The following MSI2 variants were observed in gnomAD, a reference collection of about 807,000 sequenced individuals.
MSI2 encodes the protein RNA-binding protein Musashi homolog 2.
A neutral mutation model predicts 45.6 loss-of-function variants in MSI2; 17 were observed. The observed-to-expected ratio is 0.37, with a 90% CI of 0.26 to 0.56. MSI2 has a LOEUF of 0.56. Among genes scored for constraint, MSI2 ranks in the 20% least tolerant of loss-of-function variants. The pLI, the probability that MSI2 is intolerant of heterozygous loss-of-function variation, is 0.77. For missense variants in MSI2, 293 were observed against 444.2 expected (o/e 0.66, Z 3.06); for synonymous variants, 156 against 158.2 (o/e 0.99, Z 0.11).
intron 5 of MSI2, among the ~76,000 whole-genome samples, chr17:57,340,343 G>T (rs1598143682): frequency 2.0e-5 from 3 of 149,868 alleles, no homozygotes; most frequent in Middle Eastern, 3.4e-3. Flanking sequence ...ACAGCCAAAG[G>T]TTCATTTCCC....
intron 6 of MSI2, among the ~76,000 whole-genome samples, chr17:57,429,323 A>G (rs1262035736): frequency 1.3e-5 from 2 of 152,122 alleles, no homozygotes; most frequent in Non-Finnish European, 2.9e-5. Context: ...GTCTAAAAAG[A>G]TTATCTTCAG....
intron 7 of MSI2, among the ~76,000 whole-genome samples, chr17:57,563,271 C>T (rs764164426): frequency 2.0e-5 from 3 of 152,072 alleles, no homozygotes; most frequent in Non-Finnish European, 4.4e-5. Flanking sequence ...TCCACGTGGA[C>T]CATTTTTCAT....
At chr17:57,672,075 C>T (rs1247083572) in intron 11 of MSI2, among the ~76,000 whole-genome samples, 4 of 152,322 alleles carry the variant, frequency 2.6e-5, no homozygotes, top group Non-Finnish European at 4.4e-5. Flanking sequence ...CTGCTGGCTG[C>T]GCCCTCTAGT....
At chr17:57,433,309 T>A (rs533543574) in intron 6 of MSI2, among the ~76,000 whole-genome samples, 1 of 152,280 alleles carries the variant, frequency 6.6e-6, no homozygotes, top group South Asian at 2.1e-4. Flanking sequence ...GGTAACATGC[T>A]GTTGGGAGGA....
At chr17:57,379,271 CG>C (rs1567790216) in intron 5 of MSI2, among the ~76,000 whole-genome samples, 2 of 152,020 alleles carry the variant, frequency 1.3e-5, no homozygotes, top group Non-Finnish European at 2.9e-5. Context: ...CTCTACTACT[CG>C]ATCTACTTTC....
intron 10 of MSI2, among the ~76,000 whole-genome samples, chr17:57,639,351 A>G (rs532955145): frequency 3.9e-5 from 6 of 152,164 alleles, no homozygotes; most frequent in Non-Finnish European, 7.3e-5. Flanking sequence ...TCGCATTCCT[A>G]CCTCCATGGA....
the MSI2 span, among the ~76,000 whole-genome samples, chr17:57,697,388 C>T: frequency 1.3e-5 from 2 of 152,020 alleles, no homozygotes; most frequent in East Asian, 1.9e-4. Context: ...CACAGCTTCA[C>T]GCACTCCTGC....
chr17:57,578,675 A>G (rs2088117947), intron 7 of MSI2, among the ~76,000 whole-genome samples: 1 of 152,110 alleles, frequency 6.6e-6, no homozygotes, highest in Admixed American at 6.5e-5. Context: ...GCTTTGGGGC[A>G]GTTTGTGCTT....
chr17:57,507,865 C>T (rs1422185690), intron 6 of MSI2, among the ~76,000 whole-genome samples: 1 of 151,198 alleles, frequency 6.6e-6, no homozygotes, highest in East Asian at 2.0e-4. Flanking sequence ...AGACTGGTGT[C>T]GATCTCCTGG....
At chr17:57,632,016 A>G in intron 10 of MSI2, 5 of 1,358,076 alleles carry the variant, frequency 3.7e-6, no homozygotes, top group South Asian at 2.0e-5. Context: ...GCTTCACTCA[A>G]TTAAAAAAAA....
rs1290423316 is a variant in MSI2 at position 57,529,786 on chromosome 17, C to T, written c.454+62C>T. The T allele has an allele frequency of 4.4e-5, 61 of 1,372,912 alleles. No individual in the cohort carries two copies. Among genetic ancestry groups the T allele is most frequent in the Non-Finnish European group, 6.2e-5 (61 of 981,204 alleles). 85.0% of individuals were successfully genotyped at this position (1,372,912 alleles called of 1,614,324 possible). A position where few individuals can be genotyped will look rare whatever the true frequency, so the allele number is the denominator to read the frequency against. On this transcript the variant is annotated intron_variant, in intron 7 of 13. Transcript: ENST00000284073. The surrounding 1 kb of genome is among the most constrained non-coding windows in gnomAD (Gnocchi z 5.3). The stretch of plus-strand genomic sequence containing the variant: ...CTCTCCTGGCCTCTCTGTCTGTCAT[C>T]CCCAGTCCCACTGACAAAAGATACA...
intron 6 of MSI2, among the ~76,000 whole-genome samples, chr17:57,489,454 G>T (rs890174737): frequency 1.3e-5 from 2 of 152,208 alleles, no homozygotes; most frequent in African/African-American, 4.8e-5. Flanking sequence ...AGGCAAGGAA[G>T]AAGCAGCCAA....
At chr17:57,645,420 T>G (rs1242553468) in intron 10 of MSI2, among the ~76,000 whole-genome samples, 1 of 151,754 alleles carries the variant, frequency 6.6e-6, no homozygotes, top group Non-Finnish European at 1.5e-5. Context: ...TCTGGGAAGT[T>G]TTTTTGTTTT....
intron 9 of MSI2, among the ~76,000 whole-genome samples, chr17:57,622,707 G>A (rs1021267499): frequency 2.6e-5 from 4 of 152,076 alleles, no homozygotes; most frequent in East Asian, 1.9e-4. Context: ...ATCTGCTGGC[G>A]TTCACTAACA....
intron 6 of MSI2, among the ~76,000 whole-genome samples, chr17:57,501,275 C>T (rs559513450): frequency 3.3e-5 from 5 of 152,340 alleles, no homozygotes; most frequent in East Asian, 3.9e-4. Context: ...GGCTTGACTC[C>T]GGACATCTGC....
intron 7 of MSI2, among the ~76,000 whole-genome samples, chr17:57,591,818 G>A (rs949513671): frequency 2.6e-5 from 4 of 151,974 alleles, no homozygotes; most frequent in African/African-American, 9.7e-5. Flanking sequence ...AAAAGGTCAG[G>A]AGGTGGATAC....
chr17:57,422,833 G>T (rs139044624), intron 6 of MSI2, among the ~76,000 whole-genome samples: 1 of 152,294 alleles, frequency 6.6e-6, no homozygotes, highest in East Asian at 1.9e-4. Flanking sequence ...CGTAATTTTG[G>T]CAAGGTGTTA....
intron 5 of MSI2, among the ~76,000 whole-genome samples, chr17:57,284,900 C>CTTT (rs112263860): frequency 3.3e-4 from 46 of 140,376 alleles, no homozygotes; most frequent in African/African-American, 1.1e-3. Flanking sequence ...TTAAAATGAC[C>CTTT]TTTTTTTTTT....
At chr17:57,348,953 C>A (rs567920660) in intron 5 of MSI2, among the ~76,000 whole-genome samples, 9 of 152,306 alleles carry the variant, frequency 5.9e-5, no homozygotes, top group African/African-American at 1.9e-4. Flanking sequence ...CAGGTGCTGT[C>A]CAAGCCTTTT....
Sources: allele counts gnomAD v4.1 joint callset (sites outside exome capture counted in the v4.1 genomes callset), GRCh38; gene constraint gnomAD v4.1.1; non-coding constraint Gnocchi (gnomAD v3.1); transcripts MANE v1.5; gene names NCBI Gene and HGNC (gene_info 2026-07-23, HGNC 2026-07-21).